FHIT: variants seen among roughly 807,000 people sequenced by gnomAD.
FHIT encodes the protein fragile histidine triad diadenosine triphosphatase.
A neutral mutation model predicts 17.9 loss-of-function variants in FHIT; 19 were observed. That is an observed-to-expected ratio of 1.06 (90% CI 0.74 to 1.56). The LOEUF (loss-of-function observed/expected upper bound fraction) is 1.56, where lower values mean the gene tolerates loss of function less well. Among genes scored for constraint, FHIT ranks in the 40% most tolerant of loss-of-function variants. The probability of loss-of-function intolerance (pLI) is 0.00; values close to 1 mark genes in which losing one functional copy is unlikely to be tolerated. For synonymous variants in FHIT, 81 were observed against 69.7 expected (o/e 1.16, Z -0.81); for missense variants, 248 against 189.2 (o/e 1.31, Z -1.82).
intron 7 of FHIT, among the ~76,000 whole-genome samples, chr3:59,985,228 T>C (rs934628671): frequency 7.2e-5 from 11 of 152,118 alleles, no homozygotes; most frequent in African/African-American, 2.7e-4. Flanking sequence ...TGACTTCAAA[T>C]GTGCCCTGCA....
chr3:61,120,289 T>C (rs528150821), intron 2 of FHIT, among the ~76,000 whole-genome samples: 1 of 152,346 alleles, frequency 6.6e-6, no homozygotes, highest in African/African-American at 2.4e-5. Context: ...TTGTCACTTA[T>C]ATAACAAACA....
In FHIT at chr3:60,505,904, T is replaced by C. The variant is rs1222911964; in HGVS notation, c.103+30956A>G. On this transcript the variant is annotated intron_variant, in intron 5 of 9. Transcript: ENST00000492590. ...GTTAATAAGCTTGAATTTGGTAACA[T>C]TAACCCCACAGTTACCAAATATGGC... 2.6e-5 allele frequency among the ~76,000 whole-genome samples: 4 copies of C among 152,288 alleles called. No homozygotes were observed. In the East Asian group the frequency reaches 7.7e-4, roughly 29 times the overall value.
At chr3:59,810,849 T>G (rs1700384326) in intron 8 of FHIT, among the ~76,000 whole-genome samples, 1 of 152,208 alleles carries the variant, frequency 6.6e-6, no homozygotes, top group Non-Finnish European at 1.5e-5. Context: ...CTTTCTGAAT[T>G]AATAAGACTG....
chr3:59,978,305 A>G (rs745903138), intron 7 of FHIT, among the ~76,000 whole-genome samples: 1 of 152,094 alleles, frequency 6.6e-6, no homozygotes, highest in Non-Finnish European at 1.5e-5. Context: ...AGCCGTGCTG[A>G]GAGGGCCACC....
intron 2 of FHIT, among the ~76,000 whole-genome samples, chr3:61,080,493 C>T (rs2035100991): frequency 6.6e-6 from 1 of 151,940 alleles, no homozygotes; most frequent in Non-Finnish European, 1.5e-5. Context: ...AATGGAAAAT[C>T]AATTACTATT....
chr3:59,988,946 C>G (rs910899967), intron 7 of FHIT, among the ~76,000 whole-genome samples: 4 of 152,110 alleles, frequency 2.6e-5, no homozygotes, highest in Admixed American at 2.6e-4. Context: ...ACAGCATGCA[C>G]AATTTCAGCT....
intron 2 of FHIT, among the ~76,000 whole-genome samples, chr3:61,069,531 T>C (rs139081355): frequency 1.3e-5 from 2 of 152,352 alleles, no homozygotes; most frequent in African/African-American, 4.8e-5. Context: ...ATGTAGTTAC[T>C]AACCAGAGTC....
intron 8 of FHIT, among the ~76,000 whole-genome samples, chr3:59,814,208 T>A (rs191360349): frequency 1.3e-5 from 2 of 152,312 alleles, no homozygotes; most frequent in African/African-American, 4.8e-5. Context: ...AAAACTGAGA[T>A]GGAACAACAT....
At chr3:61,169,978 G>A (rs1005162402) in intron 2 of FHIT, among the ~76,000 whole-genome samples, 5 of 152,172 alleles carry the variant, frequency 3.3e-5, no homozygotes, top group African/African-American at 9.7e-5. Flanking sequence ...AGGGTGGGGT[G>A]AGAAACTTGA....
intron 7 of FHIT, among the ~76,000 whole-genome samples, chr3:59,934,856 C>T (rs1706154223): frequency 6.6e-6 from 1 of 152,120 alleles, no homozygotes; most frequent in South Asian, 2.1e-4. Context: ...ATTTTCTCCA[C>T]CTGGTCCCAC....
intron 4 of FHIT, among the ~76,000 whole-genome samples, chr3:60,705,269 A>T (rs1274400579): frequency 2.6e-5 from 4 of 152,188 alleles, no homozygotes; most frequent in Non-Finnish European, 5.9e-5. Flanking sequence ...ACATAAACAT[A>T]GAACTTCAGA....
chr3:59,804,380 G>A (rs1700114836), intron 8 of FHIT, among the ~76,000 whole-genome samples: 1 of 152,248 alleles, frequency 6.6e-6, no homozygotes. Context: ...CCTTGAAGAA[G>A]AAGGTACTGC....
In FHIT at chr3:60,412,856, A is replaced by G. The variant is rs539913372; in HGVS notation, c.103+124004T>C. 2.3e-4 allele frequency among the ~76,000 whole-genome samples: 35 copies of G among 152,212 alleles called. 1 individual carries two copies. The highest frequency in any genetic ancestry group is 1.5e-3 in the Admixed American group (23 of 15,294). On this transcript the variant is annotated intron_variant, in intron 5 of 9. Transcript: ENST00000492590. The stretch of plus-strand genomic sequence containing the variant: ...CCATGCTGCTCTTGTGATCATAAGT[A>G]AGTTATCAGGAGATCTGGTGGTTTT...
At chr3:60,524,326 G>T (rs1213425855) in intron 5 of FHIT, among the ~76,000 whole-genome samples, 3 of 151,872 alleles carry the variant, frequency 2.0e-5, no homozygotes, top group African/African-American at 7.3e-5. Context: ...TAAGATAATG[G>T]GAAAGACTAT....
rs1003474678 is a variant in FHIT at position 59,834,412 on chromosome 3, G to T, written c.349-82091C>A. Among the ~76,000 whole-genome samples the T allele has an allele frequency of 3.3e-5, 5 of 152,232 alleles. No homozygotes were observed. The East Asian group carries it at 9.6e-4, about 29-fold the overall frequency. ...AGGTAACTTAGACATATAGATAGAT[G>T]ATAGAGAGAGAGAGACAGAGAGACA... On this transcript the variant is annotated intron_variant, in intron 8 of 9. Coordinates refer to ENST00000492590, the MANE Select transcript of FHIT (RefSeq NM_002012.4).
At chr3:60,372,894 G>A (rs1260026826) in intron 5 of FHIT, among the ~76,000 whole-genome samples, 1 of 152,048 alleles carries the variant, frequency 6.6e-6, no homozygotes, top group Admixed American at 6.6e-5. Context: ...AATGACTTAG[G>A]CTGGTTACAA....
intron 5 of FHIT, among the ~76,000 whole-genome samples, chr3:60,157,439 C>T (rs922074215): frequency 2.0e-5 from 3 of 152,110 alleles, no homozygotes; most frequent in Non-Finnish European, 4.4e-5. Flanking sequence ...ATTAGATGAC[C>T]TCTTATGTCC....
At chr3:60,815,881 A>T (rs11715778) in intron 4 of FHIT, among the ~76,000 whole-genome samples, 49,163 of 151,808 alleles carry the variant, frequency 0.32, 8,742 homozygotes, top group Middle Eastern at 0.4. Flanking sequence ...ATGTTTTTCC[A>T]TCTGTTTGTG....
intron 5 of FHIT, among the ~76,000 whole-genome samples, chr3:60,238,519 C>T (rs74278851): frequency 0.031 from 4,653 of 147,938 alleles, 182 homozygotes; most frequent in African/African-American, 0.081. Flanking sequence ...TGCTGAAAAG[C>T]ATAAAATAAA....
Sources: allele counts gnomAD v4.1 joint callset (sites outside exome capture counted in the v4.1 genomes callset), GRCh38; gene constraint gnomAD v4.1.1; transcripts MANE v1.5; gene names NCBI Gene and HGNC (gene_info 2026-07-23, HGNC 2026-07-21).